ARFGEF3: variants seen among roughly 807,000 people sequenced by gnomAD.
The protein encoded by ARFGEF3 is brefeldin A-inhibited guanine nucleotide-exchange protein 3.
Under a neutral mutation model 221.7 loss-of-function variants are expected in ARFGEF3, and 96 were observed. That is an observed-to-expected ratio of 0.43 (90% CI 0.37 to 0.51). The LOEUF (loss-of-function observed/expected upper bound fraction) is 0.51. ARFGEF3 is among the 20% of genes least tolerant of loss of function. The pLI is 0.00. For missense variants in ARFGEF3, 2,410 were observed against 2,789.9 expected (o/e 0.86, Z 3.07); for synonymous variants, 1,145 against 1,126.8 (o/e 1.02, Z -0.32).
At chr6:138,231,291 C>T (rs951774424) in intron 5 of ARFGEF3, among the ~76,000 whole-genome samples, 10 of 152,054 alleles carry the variant, frequency 6.6e-5, no homozygotes, top group South Asian at 2.1e-4. Flanking sequence ...AACACTGTGG[C>T]CTCTTCCAAA....
chr6:138,176,414 C>T (rs1208431493), intron 2 of ARFGEF3, among the ~76,000 whole-genome samples: 1 of 152,138 alleles, frequency 6.6e-6, no homozygotes, highest in Non-Finnish European at 1.5e-5. Flanking sequence ...AATGCCTGAC[C>T]TCGTGATCCA....
At chr6:138,300,720 C>G (rs950373731) in intron 22 of ARFGEF3, among the ~76,000 whole-genome samples, 1 of 152,228 alleles carries the variant, frequency 6.6e-6, no homozygotes, top group Non-Finnish European at 1.5e-5. Context: ...AAATTGCAGT[C>G]TGGGACCTCC....
intron 14 of ARFGEF3, among the ~76,000 whole-genome samples, chr6:138,283,249 T>C (rs1484658232): frequency 6.6e-6 from 1 of 152,202 alleles, no homozygotes; most frequent in Non-Finnish European, 1.5e-5. Flanking sequence ...GAGAAGACCA[T>C]AGTTTCTGCC....
intron 2 of ARFGEF3, among the ~76,000 whole-genome samples, chr6:138,190,926 G>A (rs144900942): frequency 8.5e-4 from 129 of 152,260 alleles, no homozygotes; most frequent in South Asian, 1.7e-3. Flanking sequence ...TTTAAAGGGT[G>A]TAGGCTTTTG....
rs1450899120 is a variant in ARFGEF3, at chr6:138,253,943, C to A, written c.729C>A (p.Ser243=). The A allele has an allele frequency of 6.3e-7, 1 of 1,598,408 alleles. No individual in the cohort carries two copies. Among genetic ancestry groups the A allele is most frequent in the Non-Finnish European group, 8.5e-7 (1 of 1,172,796 alleles). ...TCCTGTCTGTGCTCAGCAGCTCCTCCTCCTCCATGCACCTGCACAGGCGCT... is the reference window on the plus strand; with the variant it reads ...TCCTGTCTGTGCTCAGCAGCTCCTCATCCTCCATGCACCTGCACAGGCGCT... ...ECILSVLSSS[S]SSMHLHRRFT... is the part of the protein sequence containing the mutation. The change falls in exon 9 of 34, where the codon TCC becomes TCA. Residue 243 remains serine (S), a synonymous_variant. Transcript: ENST00000251691.
At chr6:138,197,123 A>G (rs1362828110) in intron 2 of ARFGEF3, among the ~76,000 whole-genome samples, 1 of 152,214 alleles carries the variant, frequency 6.6e-6, no homozygotes, top group Non-Finnish European at 1.5e-5. Flanking sequence ...ATGAGCCGCC[A>G]TGCCCGGCCT....
chr6:138,265,189 C>G (rs1778871806), intron 12 of ARFGEF3, among the ~76,000 whole-genome samples: 1 of 152,294 alleles, frequency 6.6e-6, no homozygotes, highest in South Asian at 2.1e-4. Context: ...AGGCATGAGC[C>G]ACTGCGCCCG....
At chr6:138,253,258 T>C (rs1478995489) in intron 8 of ARFGEF3, among the ~76,000 whole-genome samples, 1 of 152,118 alleles carries the variant, frequency 6.6e-6, no homozygotes, top group African/African-American at 2.4e-5. Context: ...GATAAATGTT[T>C]CATGGTCAGT....
chr6:138,274,552 C>A (rs773181126), intron 12 of ARFGEF3, among the ~76,000 whole-genome samples: 2 of 152,090 alleles, frequency 1.3e-5, no homozygotes, highest in Admixed American at 6.6e-5. Context: ...GTAATCCCAA[C>A]ATTTGGGAGG....
At chr6:138,206,533 A>G (rs1777627625) in intron 2 of ARFGEF3, among the ~76,000 whole-genome samples, 2 of 152,080 alleles carry the variant, frequency 1.3e-5, no homozygotes, top group South Asian at 4.1e-4. Context: ...TAAATTGTTG[A>G]ATTCTTTGAG....
rs560400966 is a variant in ARFGEF3, at chr6:138,310,910, G to T, written c.4097-497G>T. On this transcript the variant is annotated intron_variant, in intron 24 of 33. Transcript: ENST00000251691. ...ACCTCATTTATCATCAGCATTTAGTGCCACGCACTGGCAGGGAAAGAAATC... is the reference window on the plus strand; with the variant it reads ...ACCTCATTTATCATCAGCATTTAGTTCCACGCACTGGCAGGGAAAGAAATC... 1.1e-4 allele frequency among the ~76,000 whole-genome samples: 16 copies of T among 152,332 alleles called. No homozygotes were observed. The South Asian group carries it at 1.5e-3, about 14-fold the overall frequency.
At position 138,291,794 on chromosome 6, in the gene ARFGEF3, C is replaced by A; in HGVS notation, c.3109C>A (p.Pro1037Thr). 1 of 1,480,538 alleles carries A rather than the reference C, an allele frequency of 6.8e-7. No individual in the cohort carries two copies. Among genetic ancestry groups the A allele is most frequent in the Non-Finnish European group, 9.0e-7 (1 of 1,115,158 alleles). The allele number at this position is 1,480,538 out of a possible 1,614,324, so 91.7% of individuals were successfully genotyped here. The change falls in exon 19 of 34, where the codon CCT becomes ACT. Residue 1037 changes from proline (P) to threonine (T), a missense_variant. Physicochemically the swap from Pro to Thr is conservative, Grantham distance 38 (BLOSUM62 -1). This residue lies in a region of ARFGEF3 where 184 missense variants were observed against 141.8 expected (regional missense o/e 1.30). Coordinates refer to ENST00000251691, the MANE Select transcript of ARFGEF3 (RefSeq NM_020340.5). This position sits in a 1 kb window ranked among gnomAD's most constrained non-coding sequence, Gnocchi z 4.5. ...NHFSDGASQP[P>T]LTISQPQKAT... is the part of the protein sequence containing the mutation. ...CTTCAGCGATGGTGCCTCGCAGCCCCCTCTGACCATCAGCCAGCCCCAGAA... is the reference window on the plus strand; with the variant it reads ...CTTCAGCGATGGTGCCTCGCAGCCCACTCTGACCATCAGCCAGCCCCAGAA...
In ARFGEF3 at chr6:138,287,087, C is replaced by T; in HGVS notation, c.2799C>T (p.Asn933=). The stretch of plus-strand genomic sequence containing the variant: ...TCTCCTCTGAAGGCGTTGCTGCTAA[C>T]TGCGCCTCAGCCCTTGCCCAGATGG... ...RLSCALGVAA[N]CASALAQMAA... Residue 933 remains asparagine (N), a synonymous_variant, in exon 17 of 34, where the codon AAC becomes AAT. Coordinates refer to ENST00000251691, the MANE Select transcript of ARFGEF3 (RefSeq NM_020340.5). The T allele has an allele frequency of 6.4e-7, 1 of 1,573,136 alleles. No homozygotes were observed. Among genetic ancestry groups the T allele is most frequent in the Non-Finnish European group, 8.6e-7 (1 of 1,158,740 alleles).
chr6:138,325,131 C>T (rs1780105709), intron 31 of ARFGEF3, among the ~76,000 whole-genome samples: 1 of 152,116 alleles, frequency 6.6e-6, no homozygotes, highest in African/African-American at 2.4e-5. Flanking sequence ...AAATATTAAA[C>T]AAGTTTTATG....
intron 2 of ARFGEF3, among the ~76,000 whole-genome samples, chr6:138,191,021 T>G (rs1777294408): frequency 6.6e-6 from 1 of 152,192 alleles, no homozygotes. Context: ...GCTTCATGTC[T>G]TGGACTGTGA....
chr6:138,162,221 G>A lies in ARFGEF3; in HGVS notation c.85+50G>A, dbSNP rs752209195. 8.4e-6 allele frequency: 12 copies of A among 1,434,248 alleles called. No homozygotes were observed. In the Admixed American group the frequency reaches 1.4e-4, roughly 17 times the overall value. 88.8% of individuals were successfully genotyped at this position (1,434,248 alleles called of 1,614,324 possible). On this transcript the variant is annotated intron_variant, in intron 1 of 33. Transcript: ENST00000251691. The surrounding 1 kb of genome is among the most constrained non-coding windows in gnomAD (Gnocchi z 4.7). ...GCGGCGGGAGGGCCGCGCGGCCGGG[G>A]CTGAACCCGCGCCTCCGCGCGTGGG...
intron 22 of ARFGEF3, among the ~76,000 whole-genome samples, chr6:138,300,073 A>G (rs1779602861): frequency 6.6e-6 from 1 of 152,222 alleles, no homozygotes; most frequent in African/African-American, 2.4e-5. Context: ...CAAAACACAC[A>G]AGAAAACAAG....
At chr6:138,295,202 C>T (rs1305146566) in intron 20 of ARFGEF3, among the ~76,000 whole-genome samples, 1 of 152,112 alleles carries the variant, frequency 6.6e-6, no homozygotes, top group Non-Finnish European at 1.5e-5. Flanking sequence ...CGGAATCAAT[C>T]AGGTAGGAAT....
chr6:138,215,963 G>T (rs1777841416), intron 4 of ARFGEF3: 1 of 144,890 alleles, frequency 6.9e-6, no homozygotes, highest in Non-Finnish European at 1.5e-5. Context: ...TTGGTTTTTT[G>T]GTTTTTTGTT....
Sources: gnomAD v4.1 joint callset for allele counts (sites outside exome capture counted in the v4.1 genomes callset) on GRCh38, gnomAD v4.1.1 for gene constraint, gnomAD v4.1.1 regional missense constraint, Gnocchi (gnomAD v3.1) non-coding constraint, MANE v1.5 for transcripts, NCBI Gene and HGNC (gene_info 2026-07-23, HGNC 2026-07-21) for gene names.